LRRC4C: variants seen among roughly 807,000 people sequenced by gnomAD.
LRRC4C encodes leucine-rich repeat-containing protein 4C.
LRRC4C carries 5 observed loss-of-function variants against 33.6 expected under a neutral mutation model. The observed-to-expected ratio is 0.15, with a 90% CI of 0.08 to 0.31. LRRC4C has a LOEUF of 0.31. Among genes scored for constraint, LRRC4C ranks in the 10% least tolerant of loss-of-function variants. The pLI is 1.00. For synonymous variants in LRRC4C, 329 were observed against 302.0 expected, an observed-to-expected ratio of 1.09 and a Z score of -0.93; for missense variants, 560 against 796.7, an observed-to-expected ratio of 0.70 and a Z score of 3.58.
chr11:40,426,914 C>T (rs568515036), intron 3 of LRRC4C, among the ~76,000 whole-genome samples: 15 of 152,114 alleles, frequency 9.9e-5, no homozygotes, highest in Non-Finnish European at 1.9e-4. Context: ...TCTCTTTTTT[C>T]TGGTCAAGTT....
At chr11:40,599,080 G>A (rs1039011773) in intron 3 of LRRC4C, among the ~76,000 whole-genome samples, 1 of 152,076 alleles carries the variant, frequency 6.6e-6, no homozygotes, top group Non-Finnish European at 1.5e-5. Context: ...ACATTTACCT[G>A]TAAAACTTTC....
chr11:40,598,155 T>C (rs574405431), intron 3 of LRRC4C, among the ~76,000 whole-genome samples: 1 of 152,340 alleles, frequency 6.6e-6, no homozygotes, highest in East Asian at 1.9e-4. Flanking sequence ...GTTGAGTGGA[T>C]ATCTCTTGGA....
At position 40,912,413 on chromosome 11, in the gene LRRC4C, T is replaced by C. The variant is rs550757977; in HGVS notation, c.-407+21222A>G. Among the ~76,000 whole-genome samples, 9 of 152,252 alleles carry C rather than the reference T, an allele frequency of 5.9e-5. No homozygotes were observed. In the South Asian group the frequency reaches 1.9e-3, roughly 32 times the overall value. ...TATTCAACATTCTTAAAGAAAAGAA[T>C]TTCCAACCCAGAATTTCATATCCAG... On this transcript the variant is annotated intron_variant, in intron 2 of 6. Transcript: ENST00000528697.
chr11:41,163,494 G>T (rs993052015), intron 1 of LRRC4C, among the ~76,000 whole-genome samples: 1 of 151,592 alleles, frequency 6.6e-6, no homozygotes, highest in Non-Finnish European at 1.5e-5. Context: ...ATGTTGGCCA[G>T]GCTGGTATCA....
intron 5 of LRRC4C, among the ~76,000 whole-genome samples, chr11:40,240,105 G>A (rs576539007): frequency 4.9e-4 from 75 of 152,078 alleles, no homozygotes; most frequent in African/African-American, 1.8e-3. Context: ...TTGCTTCCTG[G>A]CAGTCTCTTT....
rs190505759 is a variant in LRRC4C at position 40,787,972 on chromosome 11, A to G, written c.-406-139694T>C. ...GTTGTTCTTGTTATTACCATTTTGC[A>G]TCTTCTAACATACAAAACACCGCAC... On this transcript the variant is annotated intron_variant, in intron 2 of 6. Transcript: ENST00000528697. Among the ~76,000 whole-genome samples, 758 of 152,316 alleles carry G rather than the reference A, an allele frequency of 5.0e-3. 1 individual carries two copies. The highest frequency in any genetic ancestry group is 7.3e-3 in the Non-Finnish European group (499 of 68,034).
chr11:41,245,635 G>A (rs1447735470), intron 1 of LRRC4C, among the ~76,000 whole-genome samples: 1 of 152,236 alleles, frequency 6.6e-6, no homozygotes, highest in Non-Finnish European at 1.5e-5. Context: ...TCCTGAAAGG[G>A]CTGCAGCTCT....
intron 1 of LRRC4C, among the ~76,000 whole-genome samples, chr11:41,261,442 G>A (rs1272249455): frequency 6.6e-6 from 1 of 152,072 alleles, no homozygotes; most frequent in African/African-American, 2.4e-5. Flanking sequence ...AAGTGGAATA[G>A]CAAATGGGAA....
chr11:40,972,955 A>G (rs907844321), intron 1 of LRRC4C, among the ~76,000 whole-genome samples: 2 of 152,118 alleles, frequency 1.3e-5, no homozygotes, highest in African/African-American at 4.8e-5. Flanking sequence ...GCAGTTTCTC[A>G]TGTTTAACAC....
At position 41,077,184 on chromosome 11, in the gene LRRC4C, G is replaced by A. The variant is rs1002173797; in HGVS notation, c.-495-143461C>T. Among the ~76,000 whole-genome samples the A allele has an allele frequency of 2.2e-4, 33 of 152,186 alleles. 1 individual carries two copies. The highest frequency in any genetic ancestry group is 7.7e-4 in the African/African-American group (32 of 41,444). On this transcript the variant is annotated intron_variant, in intron 1 of 6. Coordinates refer to ENST00000528697, the MANE Select transcript of LRRC4C (RefSeq NM_001258419.2). Reference sequence around the variant, plus strand: ...TGGCTTTCTTGGTTGCACAGTGCAAGCAGTCAGTGGATCTAGCATTCTGGG... The same window carrying A: ...TGGCTTTCTTGGTTGCACAGTGCAAACAGTCAGTGGATCTAGCATTCTGGG...
chr11:41,178,035 T>C (rs1327230229), intron 1 of LRRC4C, among the ~76,000 whole-genome samples: 4 of 152,162 alleles, frequency 2.6e-5, no homozygotes, highest in Non-Finnish European at 5.9e-5. Flanking sequence ...TCCTATTTAG[T>C]GCATGACAGG....
intron 3 of LRRC4C, among the ~76,000 whole-genome samples, chr11:40,334,539 GTGTACTCATAAT>G (rs1946510480): frequency 6.6e-6 from 1 of 152,146 alleles, no homozygotes; most frequent in African/African-American, 2.4e-5. Flanking sequence ...CATTAGGTGT[GTGTACTCATAAT>G]TGTTTTGTGG....
intron 5 of LRRC4C, among the ~76,000 whole-genome samples, chr11:40,231,255 A>G (rs1055228090): frequency 1.2e-4 from 18 of 152,220 alleles, no homozygotes; most frequent in African/African-American, 4.3e-4. Flanking sequence ...ATTCACGTTC[A>G]GATTTACAGT....
intron 2 of LRRC4C, among the ~76,000 whole-genome samples, chr11:40,888,101 T>A (rs553142142): frequency 3.3e-5 from 5 of 152,104 alleles, no homozygotes; most frequent in African/African-American, 1.2e-4. Flanking sequence ...TTCATTTTAG[T>A]TCCTGTTAGT....
chr11:41,280,869 A>T (rs970604513), intron 1 of LRRC4C, among the ~76,000 whole-genome samples: 2 of 152,178 alleles, frequency 1.3e-5, no homozygotes, highest in African/African-American at 4.8e-5. Context: ...AGACATTAAA[A>T]ATCAATTTAG....
At chr11:41,369,771 G>T (rs1325591204) in intron 1 of LRRC4C, among the ~76,000 whole-genome samples, 1 of 152,124 alleles carries the variant, frequency 6.6e-6, no homozygotes, top group African/African-American at 2.4e-5. Context: ...GTAATGATGA[G>T]CACCTGGAGA....
At chr11:40,213,790 G>A (rs1033126346) in intron 5 of LRRC4C, among the ~76,000 whole-genome samples, 6 of 152,106 alleles carry the variant, frequency 3.9e-5, no homozygotes, top group African/African-American at 1.2e-4. Flanking sequence ...TTAAGAATGA[G>A]TTTCCTTTCT....
At chr11:40,408,418 G>T (rs887667909) in intron 3 of LRRC4C, among the ~76,000 whole-genome samples, 2 of 151,586 alleles carry the variant, frequency 1.3e-5, no homozygotes, top group Non-Finnish European at 2.9e-5. Flanking sequence ...TTTTATCCTC[G>T]ACCAACTTTA....
chr11:41,070,417 G>A (rs1565355119), intron 1 of LRRC4C, among the ~76,000 whole-genome samples: 2 of 152,066 alleles, frequency 1.3e-5, no homozygotes, highest in Non-Finnish European at 2.9e-5. Context: ...ATTAACAAAT[G>A]GGATCAAATT....
Sources: gnomAD v4.1 joint callset for allele counts (sites outside exome capture counted in the v4.1 genomes callset) on GRCh38, gnomAD v4.1.1 for gene constraint, MANE v1.5 for transcripts, NCBI Gene and HGNC (gene_info 2026-07-23, HGNC 2026-07-21) for gene names.